The following YBX2 variants were observed in gnomAD, a reference collection of about 807,000 sequenced individuals.
The protein encoded by YBX2 is Y-box-binding protein 2.
In YBX2, 5 loss-of-function variants were observed where a neutral mutation model predicts 44.4. The ratio of observed to expected loss-of-function variants is 0.11; its 90% CI spans 0.06 to 0.24. The LOEUF (loss-of-function observed/expected upper bound fraction) is 0.24, where lower values mean the gene tolerates loss of function less well. Ranked by LOEUF, YBX2 falls within the 10% of genes least tolerant of loss-of-function variation. The pLI is 1.00. For synonymous variants in YBX2, 188 were observed against 216.1 expected, an observed-to-expected ratio of 0.87 and a Z score of 1.14; for missense variants, 417 against 526.9, an observed-to-expected ratio of 0.79 and a Z score of 2.04.
intron 7 of YBX2, 105 bp from the exon 8 acceptor site, chr17:7,288,943 A>C (rs2072475743): frequency 2.2e-6 from 3 of 1,386,160 alleles, no homozygotes; most frequent in Non-Finnish European, 3.0e-6. Flanking sequence ...GCTCACTGCA[A>C]ACTCCCCCTC....
At position 7,290,314 on chromosome 17, in the gene YBX2, G is replaced by C. The variant is rs1312624317; in HGVS notation, c.681C>G (p.Pro227=). ...GQRPRRWCPP[P]FFYRRRFVRG... ...GCACAAACCGCCGTCGGTAGAAGAA[G>C]GGTGGGGGGCACCATCGTCGGGGCC... Residue 227 remains proline, a synonymous_variant, in exon 5 of 9, where the codon CCC becomes CCG. Transcript: ENST00000007699. 2.5e-6 allele frequency: 4 copies of C among 1,613,854 alleles called. No individual in the cohort carries two copies. The highest frequency in any genetic ancestry group is 2.7e-5 in the African/African-American group (2 of 74,928).
At position 7,290,357 on chromosome 17, in the gene YBX2, G is replaced by A; in HGVS notation, c.638C>T (p.Ala213Val). 1 of 1,613,812 alleles carries A rather than the reference G, an allele frequency of 6.2e-7. No homozygotes were observed. Among genetic ancestry groups the A allele is most frequent in the Non-Finnish European group, 8.5e-7 (1 of 1,179,982 alleles). ...TCGGGGCCGTTGCCCAGAGTCTTCA[G>A]CCCGCTCCCCTTTACTGCCAGGTCC... ...GTGPGSKGER[A>V]EDSGQRPRRW... Residue 213 changes from alanine (A) to valine (V), a missense_variant, in exon 5 of 9, where the codon GCT becomes GTT. Physicochemically the swap from Ala to Val is moderately conservative, Grantham distance 64. Coordinates refer to ENST00000007699, the MANE Select transcript of YBX2 (RefSeq NM_015982.4).
rs2143005724 is a variant in YBX2, at chr17:7,291,370, T to A, written c.370-188A>T. 4.6e-6 allele frequency: 3 copies of A among 645,324 alleles called. No homozygotes were observed. The highest frequency in any genetic ancestry group is 4.1e-4 in the Middle Eastern group (1 of 2,456). 40.0% of individuals were successfully genotyped at this position (645,324 alleles called of 1,614,324 possible). On this transcript the variant is annotated intron_variant, in intron 3 of 8. Transcript: ENST00000007699. This position sits in a 1 kb window ranked among gnomAD's most constrained non-coding sequence, Gnocchi z 5.8. Reference sequence around the variant, plus strand: ...CTGAACTCAGGGCCTCAGCAGATTGTGCAGTTACCACCATCCCCAGGATGC... The same window carrying A: ...CTGAACTCAGGGCCTCAGCAGATTGAGCAGTTACCACCATCCCCAGGATGC...
In YBX2 at chr17:7,288,772, C is replaced by T. The variant is rs222842; in HGVS notation, c.*16G>A. 0.68 allele frequency: 1,101,997 copies of T among 1,613,336 alleles called. 386,686 individuals carry two copies. Among genetic ancestry groups the T allele is most frequent in the Non-Finnish European group, 0.73 (859,929 of 1,179,532 alleles). On this transcript the variant is annotated 3_prime_UTR_variant, in exon 8 of 9. Transcript: ENST00000007699. ...ACCAGATGGCAGCTCTGGGTGTCCT[C>T]TGAGTTGAGTTGGAATCACTCCAGG...
chr17:7,291,991 G>A lies in YBX2; in HGVS notation c.369+35C>T, dbSNP rs762740128. The A allele has an allele frequency of 5.0e-6, 8 of 1,613,816 alleles. No homozygotes were observed. Among genetic ancestry groups the A allele is most frequent in the South Asian group, 2.2e-5 (2 of 91,074 alleles). ...ACAGCAAAGGCCTTCAAAGACGGCC[G>A]GTTCTTCCCCTCAGAAAGCTAACCT... On this transcript the variant is annotated intron_variant, in intron 3 of 8. Transcript: ENST00000007699. The surrounding 1 kb of genome is among the most constrained non-coding windows in gnomAD (Gnocchi z 5.8).
rs1347478755 is a variant in YBX2 at position 7,291,923 on chromosome 17, A to G, written c.369+103T>C. 6.1e-6 allele frequency: 9 copies of G among 1,472,060 alleles called. No individual in the cohort carries two copies. Among genetic ancestry groups the G allele is most frequent in the Non-Finnish European group, 7.6e-6 (8 of 1,052,354 alleles). The allele number at this position is 1,472,060 out of a possible 1,614,324, so 91.2% of individuals were successfully genotyped here. On this transcript the variant is annotated intron_variant, in intron 3 of 8. Coordinates refer to ENST00000007699, the MANE Select transcript of YBX2 (RefSeq NM_015982.4). This position sits in a 1 kb window ranked among gnomAD's most constrained non-coding sequence, Gnocchi z 5.8. Reference sequence around the variant, plus strand: ...CACCCAAGGCGGATGGGCCGTTGTGAAGAAGAGCCAGAGAAACATGGCGGA... The same window carrying G: ...CACCCAAGGCGGATGGGCCGTTGTGGAGAAGAGCCAGAGAAACATGGCGGA...
chr17:7,293,139 G>A, intron 2 of YBX2: 4 of 372,396 alleles, frequency 1.1e-5, no homozygotes, highest in South Asian at 1.0e-4. Context: ...GGGGCCCTGA[G>A]GCACAGAGAA....
intron 1 of YBX2, chr17:7,293,991 G>A: frequency 2.0e-6 from 1 of 492,024 alleles, no homozygotes; most frequent in Non-Finnish European, 3.3e-6. Flanking sequence ...GGACCCTGGG[G>A]CTTTATTCTC....
chr17:7,290,069 G>T lies in YBX2; in HGVS notation c.747C>A (p.Gly249=), dbSNP rs1238445228. 6.2e-7 allele frequency: 1 copy of T among 1,614,234 alleles called. No homozygotes were observed. Among genetic ancestry groups the T allele is most frequent in the South Asian group, 1.1e-5 (1 of 91,090 alleles). ...TCTCTTTGGGTTCTACCCTGTCAGT[G>T]CCCTGGGAACATGCAAAGGCCCCGG... ...RPPNQQQPIE[G]TDRVEPKETA... The change falls in exon 6 of 9, where the codon GGC becomes GGA. Residue 249 remains glycine (G), a splice_region_variant and synonymous_variant. Coordinates refer to ENST00000007699, the MANE Select transcript of YBX2 (RefSeq NM_015982.4).
rs893410021 is a variant in YBX2 at position 7,291,034 on chromosome 17, C to A, written c.459+59G>T. On this transcript the variant is annotated intron_variant, in intron 4 of 8. Transcript: ENST00000007699. This position sits in a 1 kb window ranked among gnomAD's most constrained non-coding sequence, Gnocchi z 5.8. ...CCAGGAGGGTCTTAGCCTGTGATGACCTCCAGGCCACCCTCCCGTAAGCCT... is the reference window on the plus strand; with the variant it reads ...CCAGGAGGGTCTTAGCCTGTGATGAACTCCAGGCCACCCTCCCGTAAGCCT... 2.6e-6 allele frequency: 4 copies of A among 1,564,406 alleles called. No homozygotes were observed. The African/African-American group carries it at 5.4e-5, about 21-fold the overall frequency.
Position 7,294,620 on chromosome 17 carries a change from C to T in YBX2, c.-120G>A. On this transcript the variant is annotated 5_prime_UTR_variant, in exon 1 of 9. Coordinates refer to ENST00000007699, the MANE Select transcript of YBX2 (RefSeq NM_015982.4). The surrounding 1 kb of genome is among the most constrained non-coding windows in gnomAD (Gnocchi z 4.6). ...CCTCGCCCACACGCCGGCAGCGGGC[C>T]CGGAGCCGAGGCCAATGGCAGCCCG... The T allele has an allele frequency of 8.5e-7, 1 of 1,173,408 alleles. No individual in the cohort carries two copies. Among genetic ancestry groups the T allele is most frequent in the Non-Finnish European group, 1.1e-6 (1 of 943,012 alleles). The allele number at this position is 1,173,408 out of a possible 1,614,324, so 72.7% of individuals were successfully genotyped here. A position where few individuals can be genotyped will look rare whatever the true frequency, so the allele number is the denominator to read the frequency against.
At position 7,290,384 on chromosome 17, in the gene YBX2, G is replaced by A. The variant is rs773606065; in HGVS notation, c.611C>T (p.Thr204Ile). Residue 204 changes from threonine to isoleucine, a missense_variant, in exon 5 of 9, where the codon ACA becomes ATA. This residue lies in a region of YBX2 where 257 missense variants were observed against 261.7 expected (regional missense o/e 0.98). Coordinates refer to ENST00000007699, the MANE Select transcript of YBX2 (RefSeq NM_015982.4). Reference protein sequence around the residue: ...PMVAEIPSAGTGPGSKGERAE... With the variant: ...PMVAEIPSAGIGPGSKGERAE... ...CCGCTCCCCTTTACTGCCAGGTCCT[G>A]TCCCCGCCGAGGGGATCTCTGCCAC... 3 of 1,614,000 alleles carry A rather than the reference G, an allele frequency of 1.9e-6. No individual in the cohort carries two copies. The highest frequency in any genetic ancestry group is 2.5e-6 in the Non-Finnish European group (3 of 1,180,010).
chr17:7,292,148 C>T (rs2072505890), intron 2 of YBX2, 89 bp from the exon 3 acceptor site: 5 of 1,445,868 alleles, frequency 3.5e-6, no homozygotes, highest in Admixed American at 3.4e-5. Context: ...AGTCTAAGCT[C>T]AGTGGGCCCA....
At position 7,289,449 on chromosome 17, in the gene YBX2, T is replaced by C. The variant is rs182831279; in HGVS notation, c.1044+81A>G. 3.2e-6 allele frequency: 5 copies of C among 1,540,780 alleles called. No individual in the cohort carries two copies. The African/African-American group carries it at 6.9e-5, about 21-fold the overall frequency. ...GCAGGGGAGGGGAGGAGCCAAAGGA[T>C]AGAGTAGGAAAGAAAAAGGAGCAGG... On this transcript the variant is annotated intron_variant, in intron 7 of 8. Coordinates refer to ENST00000007699, the MANE Select transcript of YBX2 (RefSeq NM_015982.4).
At chr17:7,293,213 T>C in intron 2 of YBX2, 6 of 563,412 alleles carry the variant, frequency 1.1e-5, no homozygotes, top group Non-Finnish European at 1.9e-5. Flanking sequence ...TTCCAGAAGG[T>C]GAGATGAGAA....
Position 7,291,782 on chromosome 17 carries a change from G to A in YBX2, c.369+244C>T. 2 of 556,324 alleles carry A rather than the reference G, an allele frequency of 3.6e-6. No individual in the cohort carries two copies. Among genetic ancestry groups the A allele is most frequent in the Non-Finnish European group, 3.2e-6 (1 of 308,336 alleles). The allele number at this position is 556,324 out of a possible 1,614,324, so 34.5% of individuals were successfully genotyped here. On this transcript the variant is annotated intron_variant, in intron 3 of 8. Coordinates refer to ENST00000007699, the MANE Select transcript of YBX2 (RefSeq NM_015982.4). The surrounding 1 kb of genome is among the most constrained non-coding windows in gnomAD (Gnocchi z 5.8). ...TCTGAAAACTGCCTCAGTGCTTCCTGGAGTGTTAACAGGTCCCGGTGGGTA... is the reference window on the plus strand; with the variant it reads ...TCTGAAAACTGCCTCAGTGCTTCCTAGAGTGTTAACAGGTCCCGGTGGGTA...
Position 7,290,745 on chromosome 17 carries a change from C to G in YBX2, c.460-210G>C, listed in dbSNP as rs74441401. Among the ~76,000 whole-genome samples, 1,075 of 152,350 alleles carry G rather than the reference C, an allele frequency of 7.1e-3. 18 individuals carry two copies. Among genetic ancestry groups the G allele is most frequent in the African/African-American group, 0.024 (1,016 of 41,586 alleles). On this transcript the variant is annotated intron_variant, in intron 4 of 8. Transcript: ENST00000007699. ...TCCTTTTGAAATAATTGCTACTGCA[C>G]CCTCCTGAGTATACGACTGGGTGGA...
In YBX2 at chr17:7,289,623, C is replaced by G. The variant is rs755494490; in HGVS notation, c.951G>C (p.Gln317His). 54 of 1,613,912 alleles carry G rather than the reference C, an allele frequency of 3.3e-5. No individual in the cohort carries two copies. Among genetic ancestry groups the G allele is most frequent in the Non-Finnish European group, 4.6e-5 (54 of 1,179,970 alleles). ...GGAAGTAGGGGCGGTTTCGTGGGCG[C>G]TGGGGCTCAGGCCGGGAACCATCAG... Reference protein sequence around the residue: ...GPADGSRPEPQRPRNRPYFQR... With the variant: ...GPADGSRPEPHRPRNRPYFQR... Residue 317 changes from glutamine (Q) to histidine (H), a missense_variant, in exon 7 of 9, where the codon CAG (glutamine) becomes CAC (histidine). Physicochemically the swap from Gln to His is conservative, Grantham distance 24. Coordinates refer to ENST00000007699, the MANE Select transcript of YBX2 (RefSeq NM_015982.4).
Position 7,290,279 on chromosome 17 carries a change from C to A in YBX2, c.716G>T (p.Arg239Leu). Residue 239 changes from arginine to leucine, a missense_variant, in exon 5 of 9, where the codon CGG (arginine) becomes CTG (leucine). Around this residue, in one of 3 missense-constraint regions of YBX2, gnomAD observed 257 missense variants for 261.7 expected, o/e 0.98. Transcript: ENST00000007699. ...FYRRRFVRGP[R>L]PPNQQQPIEG... The stretch of plus-strand genomic sequence containing the variant: ...TATAGGCTGCTGCTGGTTGGGAGGC[C>A]GGGGGCCTCGCACAAACCGCCGTCG... 4 of 1,613,170 alleles carry A rather than the reference C, an allele frequency of 2.5e-6. No individual in the cohort carries two copies. The highest frequency in any genetic ancestry group is 3.4e-6 in the Non-Finnish European group (4 of 1,179,516).
Sources: allele counts gnomAD v4.1 joint callset (sites outside exome capture counted in the v4.1 genomes callset), GRCh38; gene constraint gnomAD v4.1.1; regional missense constraint gnomAD v4.1.1; non-coding constraint Gnocchi (gnomAD v3.1); transcripts MANE v1.5; gene names NCBI Gene and HGNC (gene_info 2026-07-23, HGNC 2026-07-21).